The following AOPEP variants were observed in gnomAD, a reference collection of about 807,000 sequenced individuals.
AOPEP encodes the protein aminopeptidase O.
In AOPEP, 77 loss-of-function variants were observed where a neutral mutation model predicts 98.1. That is an observed-to-expected ratio of 0.78 (90% CI 0.65 to 0.95). The LOEUF (loss-of-function observed/expected upper bound fraction) is 0.95. AOPEP is among the 40% of genes least tolerant of loss of function. The pLI is 0.00. For synonymous variants in AOPEP, 346 were observed against 365.3 expected (o/e 0.95, Z 0.60); for missense variants, 1,024 against 1,024.7 (o/e 1.00, Z 0.01).
intron 4 of AOPEP, among the ~76,000 whole-genome samples, chr9:94,798,559 A>G (rs1307993444): frequency 1.3e-5 from 2 of 152,138 alleles, no homozygotes; most frequent in Non-Finnish European, 2.9e-5. Flanking sequence ...TTCCCATGTT[A>G]TATTTAGAGA....
intron 5 of AOPEP, among the ~76,000 whole-genome samples, chr9:94,847,366 G>A (rs896351404): frequency 2.6e-5 from 4 of 152,168 alleles, no homozygotes; most frequent in Admixed American, 6.5e-5. Flanking sequence ...AGCCCTGGTG[G>A]CTAGTAATTA....
chr9:95,105,144 C>T, the AOPEP span, among the ~76,000 whole-genome samples: 3 of 152,200 alleles, frequency 2.0e-5, no homozygotes, highest in East Asian at 1.9e-4. Context: ...GACTCGGATT[C>T]GTCTTAGCTG....
intron 10 of AOPEP, among the ~76,000 whole-genome samples, chr9:94,969,322 A>G (rs1196564992): frequency 6.6e-6 from 1 of 151,754 alleles, no homozygotes; most frequent in East Asian, 1.9e-4. Flanking sequence ...TCTTAGAACC[A>G]ATGTTTGGGG....
At chr9:94,966,017 T>G (rs2059174771) in intron 9 of AOPEP, among the ~76,000 whole-genome samples, 1 of 148,748 alleles carries the variant, frequency 6.7e-6, no homozygotes, top group Non-Finnish European at 1.5e-5. Flanking sequence ...GTCATCAGAG[T>G]CTTGTGTAGA....
intron 13 of AOPEP, among the ~76,000 whole-genome samples, chr9:95,024,710 A>G (rs1475872374): frequency 1.3e-5 from 2 of 152,254 alleles, no homozygotes; most frequent in Admixed American, 1.3e-4. Flanking sequence ...CTCAAAATAA[A>G]GGAAATACTC....
intron 16 of AOPEP, chr9:95,085,688 A>C: frequency 2.8e-6 from 1 of 356,098 alleles, no homozygotes; most frequent in Non-Finnish European, 5.5e-6. Flanking sequence ...CCTGCTGGGA[A>C]TGCTAGCCAT....
At chr9:94,866,238 A>G (rs905819183) in intron 5 of AOPEP, among the ~76,000 whole-genome samples, 2 of 152,236 alleles carry the variant, frequency 1.3e-5, no homozygotes, top group East Asian at 1.9e-4. Flanking sequence ...TTTCTGAAGA[A>G]TCATTTAAAT....
At chr9:94,903,141 C>T (rs1366364856) in intron 5 of AOPEP, among the ~76,000 whole-genome samples, 5 of 151,570 alleles carry the variant, frequency 3.3e-5, no homozygotes, top group African/African-American at 1.2e-4. Flanking sequence ...CCACCACACT[C>T]GGCTAATTTT....
chr9:94,910,090 G>A (rs1189297093), intron 5 of AOPEP, among the ~76,000 whole-genome samples: 1 of 152,142 alleles, frequency 6.6e-6, no homozygotes, highest in Non-Finnish European at 1.5e-5. Flanking sequence ...TTTGAATCGC[G>A]GGTCCCTGCC....
chr9:94,846,628 G>T (rs1351388546), intron 5 of AOPEP, among the ~76,000 whole-genome samples: 1 of 152,240 alleles, frequency 6.6e-6, no homozygotes, highest in Non-Finnish European at 1.5e-5. Flanking sequence ...GAAGCTGGCT[G>T]GGCATGGTGG....
In AOPEP at chr9:94,758,612, C is replaced by G. The variant is rs1026712802; in HGVS notation, c.-135-1037C>G. Among the ~76,000 whole-genome samples, 4 of 152,108 alleles carry G rather than the reference C, an allele frequency of 2.6e-5. 1 individual carries two copies. Among genetic ancestry groups the G allele is most frequent in the African/African-American group, 7.2e-5 (3 of 41,424 alleles). ...ATGTTTTGCAGTTGTTGAAAGAATG[C>G]CTCCTGATATTTAGAAATACGAAAA... On this transcript the variant is annotated intron_variant, in intron 1 of 16. Transcript: ENST00000375315.
intron 7 of AOPEP, among the ~76,000 whole-genome samples, chr9:94,947,363 T>C (rs1467950376): frequency 6.6e-6 from 1 of 151,936 alleles, no homozygotes; most frequent in Non-Finnish European, 1.5e-5. Context: ...ACTGCAGCCT[T>C]GAACTCCTGG....
chr9:94,927,418 C>T (rs2054517179), intron 6 of AOPEP, among the ~76,000 whole-genome samples: 1 of 152,232 alleles, frequency 6.6e-6, no homozygotes, highest in Non-Finnish European at 1.5e-5. Context: ...ACCTTGCTCC[C>T]TCCCAGAATG....
chr9:95,047,000 A>G (rs960429408), intron 13 of AOPEP, among the ~76,000 whole-genome samples: 1 of 152,182 alleles, frequency 6.6e-6, no homozygotes, highest in Non-Finnish European at 1.5e-5. Context: ...GTATTCAGCT[A>G]TTTGTCATAT....
chr9:94,925,863 G>A (rs914145047), intron 6 of AOPEP, among the ~76,000 whole-genome samples: 3 of 152,244 alleles, frequency 2.0e-5, no homozygotes, highest in Non-Finnish European at 2.9e-5. Context: ...TTGTAGAATG[G>A]ATGTAAGAAT....
intron 10 of AOPEP, among the ~76,000 whole-genome samples, chr9:94,973,506 C>T (rs934114012): frequency 6.6e-6 from 1 of 152,222 alleles, no homozygotes; most frequent in African/African-American, 2.4e-5. Context: ...AGCATATTCT[C>T]TCCCCTGCCG....
In AOPEP at chr9:94,760,551, G is replaced by A. The variant is rs1414923290; in HGVS notation, c.768G>A (p.Ser256=). The change falls in exon 2 of 17, where the codon TCG becomes TCA. Residue 256 remains serine (S), a synonymous_variant. Coordinates refer to ENST00000375315, the MANE Select transcript of AOPEP (RefSeq NM_001193329.3). ...ACAAAACTAAACCTGAAGGGCGATCGGTTACATGGACCTCAGACCAGAGTG... is the reference window on the plus strand; with the variant it reads ...ACAAAACTAAACCTGAAGGGCGATCAGTTACATGGACCTCAGACCAGAGTG... ...IWYKTKPEGR[S]VTWTSDQSGR... is the part of the protein sequence containing the mutation. 1.0e-5 allele frequency: 16 copies of A among 1,555,212 alleles called. No homozygotes were observed. The highest frequency in any genetic ancestry group is 1.3e-5 in the South Asian group (1 of 79,740).
chr9:95,063,495 T>C (rs2133957050), intron 14 of AOPEP, among the ~76,000 whole-genome samples: 1 of 152,178 alleles, frequency 6.6e-6, no homozygotes. Flanking sequence ...CTGAGCGCTT[T>C]CAGATCTCTG....
intron 2 of AOPEP, chr9:94,763,082 A>G (rs1024302929): frequency 4.5e-6 from 2 of 442,652 alleles, no homozygotes; most frequent in Middle Eastern, 3.5e-4. Context: ...TACCCGCTCT[A>G]AGTTCTCAGG....
Sources: allele counts gnomAD v4.1 joint callset (sites outside exome capture counted in the v4.1 genomes callset), GRCh38; gene constraint gnomAD v4.1.1; transcripts MANE v1.5; gene names NCBI Gene and HGNC (gene_info 2026-07-23, HGNC 2026-07-21).